The following ACAD9 variants were observed in gnomAD, a reference collection of about 807,000 sequenced individuals.
ACAD9 encodes complex I assembly factor ACAD9, mitochondrial.
ACAD9 carries 53 observed loss-of-function variants against 70.2 expected under a neutral mutation model. The ratio of observed to expected loss-of-function variants is 0.75; its 90% CI spans 0.61 to 0.95. The LOEUF is 0.95. Among genes scored for constraint, ACAD9 ranks in the 40% least tolerant of loss-of-function variants. ACAD9 has a pLI of 0.00. For synonymous variants in ACAD9, 313 were observed against 312.1 expected (o/e 1.00, Z -0.03); for missense variants, 777 against 802.8 (o/e 0.97, Z 0.39).
chr3:128,905,752 GTA>G (rs1317764045), intron 11 of ACAD9, among the ~76,000 whole-genome samples: 1 of 152,192 alleles, frequency 6.6e-6, no homozygotes, highest in Non-Finnish European at 1.5e-5. Context: ...AAACATGGCA[GTA>G]TGTTTGCCCC....
chr3:128,886,736 TAA>T (rs200871357), intron 2 of ACAD9, among the ~76,000 whole-genome samples: 6 of 137,594 alleles, frequency 4.4e-5, no homozygotes, highest in Admixed American at 1.5e-4. Flanking sequence ...AAAAGTAAGT[TAA>T]AAAAAAAAAA....
chr3:128,911,180 C>G (rs1936265212), intron 17 of ACAD9, among the ~76,000 whole-genome samples: 1 of 152,198 alleles, frequency 6.6e-6, no homozygotes, highest in Admixed American at 6.5e-5. Flanking sequence ...CCCCAGCCTC[C>G]CGAGTAGCTG....
chr3:128,909,971 G>A (rs946248852), intron 15 of ACAD9, 50 bp from the exon 16 acceptor site: 1 of 1,606,076 alleles, frequency 6.2e-7, no homozygotes. Flanking sequence ...GGACCATGTG[G>A]GGGACTGGTC....
At chr3:128,908,375 G>T (rs1055334187) in intron 13 of ACAD9, 111 bp downstream of exon 13, 10 of 1,307,656 alleles carry the variant, frequency 7.6e-6, no homozygotes, top group Admixed American at 1.7e-5. Flanking sequence ...GGGCATGGGG[G>T]TGTGGCGCAG....
At chr3:128,894,862 C>A (rs1935524186) in intron 3 of ACAD9, among the ~76,000 whole-genome samples, 1 of 145,334 alleles carries the variant, frequency 6.9e-6, no homozygotes, top group Non-Finnish European at 1.5e-5. Context: ...TTGTACCTTT[C>A]TGTATTGTGA....
chr3:128,911,418 G>C (rs1213649604), intron 17 of ACAD9, among the ~76,000 whole-genome samples: 1 of 152,000 alleles, frequency 6.6e-6, no homozygotes, highest in African/African-American at 2.4e-5. Context: ...CCTGGCATCT[G>C]CCCAGCATGC....
intron 5 of ACAD9, among the ~76,000 whole-genome samples, chr3:128,896,935 C>G (rs577548075): frequency 4.6e-5 from 7 of 152,256 alleles, no homozygotes; most frequent in East Asian, 3.9e-4. Context: ...TGCGGCAGCA[C>G]TCGGGACTCT....
chr3:128,897,555 C>G, intron 5 of ACAD9, 77 bp from the exon 6 acceptor site: 1 of 1,385,130 alleles, frequency 7.2e-7, no homozygotes, highest in Non-Finnish European at 1.0e-6. Context: ...GTACTAAAAC[C>G]TCCATTTTCA....
chr3:128,892,336 G>C (rs1214132780), intron 2 of ACAD9, among the ~76,000 whole-genome samples: 2 of 152,100 alleles, frequency 1.3e-5, no homozygotes, highest in Non-Finnish European at 2.9e-5. Context: ...TGCACTTTTG[G>C]GAATCTGTAG....
chr3:128,909,717 C>T (rs928897016), intron 15 of ACAD9: 36 of 600,488 alleles, frequency 6.0e-5, no homozygotes, highest in Non-Finnish European at 9.1e-5. Context: ...ATCTAGGGAC[C>T]TGATTGGTGG....
chr3:128,897,542 C>A (rs887635421), intron 5 of ACAD9, 90 bp from the exon 6 acceptor site: 3 of 1,222,396 alleles, frequency 2.5e-6, no homozygotes, highest in South Asian at 1.3e-5. Flanking sequence ...TGACCTCTTA[C>A]AAGTACTAAA....
intron 10 of ACAD9, 38 bp from the exon 11 acceptor site, chr3:128,904,348 A>C: frequency 6.2e-7 from 1 of 1,614,186 alleles, no homozygotes. Flanking sequence ...CTCTCAGCAC[A>C]TGCAAATTGT....
intron 15 of ACAD9, 62 bp downstream of exon 15, chr3:128,909,483 GACT>G (rs1407901417): frequency 4.6e-6 from 7 of 1,526,406 alleles, no homozygotes; most frequent in South Asian, 1.1e-5. Context: ...GCATTCATGA[GACT>G]ACTTTTTGTC....
In ACAD9 at chr3:128,906,230, G is replaced by A. The variant is rs768960254; in HGVS notation, c.1259G>A (p.Arg420His). Residue 420 changes from arginine to histidine, a missense_variant, in exon 12 of 18, where the codon CGC becomes CAC. Transcript: ENST00000308982. ...TACGAGCGCATACTGCGTGACACCCGCATCCTCCTCATCTTCGAGGTGAGT... is the reference window on the plus strand; with the variant it reads ...TACGAGCGCATACTGCGTGACACCCACATCCTCCTCATCTTCGAGGTGAGT... ...YPYERILRDTRILLIFEGTNE... is the reference protein window; with the variant it reads ...YPYERILRDTHILLIFEGTNE... 8.4e-5 allele frequency: 136 copies of A among 1,614,004 alleles called. No homozygotes were observed. Among genetic ancestry groups the A allele is most frequent in the South Asian group, 3.0e-4 (27 of 91,092 alleles).
chr3:128,897,155 A>G (rs1935590360), intron 5 of ACAD9, among the ~76,000 whole-genome samples: 1 of 152,176 alleles, frequency 6.6e-6, no homozygotes, highest in Non-Finnish European at 1.5e-5. Flanking sequence ...GAGGTCGGCT[A>G]AATCCAGCCT....
At chr3:128,879,951 A>AC in intron 1 of ACAD9, 110 bp downstream of exon 1, 3 of 1,580,604 alleles carry the variant, frequency 1.9e-6, no homozygotes, top group Non-Finnish European at 2.6e-6. Context: ...AGAGAGATAC[A>AC]CCCTGCGGCC....
chr3:128,907,406 G>C (rs539397765), intron 12 of ACAD9, among the ~76,000 whole-genome samples: 5 of 152,292 alleles, frequency 3.3e-5, no homozygotes, highest in Admixed American at 1.3e-4. Flanking sequence ...CTCCAGGGCT[G>C]GGGTGGTCAG....
intron 2 of ACAD9, among the ~76,000 whole-genome samples, chr3:128,885,696 C>T (rs1348521254): frequency 6.6e-6 from 1 of 151,952 alleles, no homozygotes; most frequent in African/African-American, 2.4e-5. Flanking sequence ...CCTAGCCCCT[C>T]TTAGAAATTA....
intron 7 of ACAD9, 23 bp downstream of exon 7, chr3:128,899,484 T>C (rs772612013): frequency 5.0e-6 from 8 of 1,610,856 alleles, no homozygotes; most frequent in South Asian, 2.2e-5. Flanking sequence ...TGTGCGCGCG[T>C]GCGCGTGTGT....
Sources: allele counts gnomAD v4.1 joint callset (sites outside exome capture counted in the v4.1 genomes callset), GRCh38; gene constraint gnomAD v4.1.1; transcripts MANE v1.5; gene names NCBI Gene and HGNC (gene_info 2026-07-23, HGNC 2026-07-21).